Variants in LARS1 observed in about 807,000 individuals in gnomAD.
LARS1 encodes the protein leucine--tRNA ligase, cytoplasmic.
LARS1 carries 100 observed loss-of-function variants against 162.8 expected under a neutral mutation model. The observed-to-expected ratio is 0.61, with a 90% CI of 0.52 to 0.73. The LOEUF (loss-of-function observed/expected upper bound fraction) is 0.73, where lower values mean the gene tolerates loss of function less well. Ranked by LOEUF, LARS1 falls within the 30% of genes least tolerant of loss-of-function variation. The pLI is 0.00. For missense variants in LARS1, 1,258 were observed against 1,408.9 expected (o/e 0.89, Z 1.71); for synonymous variants, 457 against 462.8 (o/e 0.99, Z 0.16).
intron 6 of LARS1, among the ~76,000 whole-genome samples, chr5:146,161,680 G>A (rs1275720607): frequency 6.6e-6 from 1 of 151,826 alleles, no homozygotes; most frequent in Non-Finnish European, 1.5e-5. Flanking sequence ...TTGAACCCGG[G>A]AGGCGGAGGT....
chr5:146,117,910 C>T (rs773085081), intron 31 of LARS1, among the ~76,000 whole-genome samples: 7 of 152,018 alleles, frequency 4.6e-5, no homozygotes, highest in East Asian at 3.9e-4. Context: ...CAGTGTGGTG[C>T]GAATGTAAAT....
At position 146,179,587 on chromosome 5, in the gene LARS1, C is replaced by A. The variant is rs555706163; in HGVS notation, c.7-1922G>T. On this transcript the variant is annotated intron_variant, in intron 1 of 31. Coordinates refer to ENST00000394434, the MANE Select transcript of LARS1 (RefSeq NM_020117.11). ...CGGTCATGGGTAATATGAAATTTCA[C>A]TGTATTTATGTGTGTGTGTCTGTGT... The A allele has an allele frequency of 8.0e-4, 225 of 280,702 alleles. 1 individual carries two copies. Among genetic ancestry groups the A allele is most frequent in the African/African-American group, 4.9e-3 (220 of 44,810 alleles). The allele number at this position is 280,702 out of a possible 1,614,324, so 17.4% of individuals were successfully genotyped here.
intron 22 of LARS1, among the ~76,000 whole-genome samples, chr5:146,133,712 A>G (rs951969229): frequency 9.3e-4 from 141 of 150,882 alleles, no homozygotes; most frequent in African/African-American, 3.4e-3. Flanking sequence ...AAAAAAAAAA[A>G]GAGGGAACTC....
At chr5:146,180,789 C>G (rs1199684672) in intron 1 of LARS1, among the ~76,000 whole-genome samples, 1 of 152,140 alleles carries the variant, frequency 6.6e-6, no homozygotes, top group African/African-American at 2.4e-5. Flanking sequence ...ACTCAACCTC[C>G]TCACTGGTAA....
chr5:146,148,639 G>C (rs928743284), intron 15 of LARS1, among the ~76,000 whole-genome samples: 2 of 152,100 alleles, frequency 1.3e-5, no homozygotes, highest in African/African-American at 4.8e-5. Flanking sequence ...ATAAATGTGG[G>C]ACGTTAGAGA....
Position 146,131,058 on chromosome 5 carries a change from C to T in LARS1, c.2448G>A (p.Met816Ile). 2 of 1,598,970 alleles carry T rather than the reference C, an allele frequency of 1.3e-6. No individual in the cohort carries two copies. The highest frequency in any genetic ancestry group is 1.7e-5 in the Admixed American group (1 of 58,410). The change falls in exon 24 of 32, where the codon ATG becomes ATA. Residue 816 changes from methionine to isoleucine, a missense_variant. Coordinates refer to ENST00000394434, the MANE Select transcript of LARS1 (RefSeq NM_020117.11). ...ACCCTGTTTTCAAAGCTTCTTTAAACATCATCTTTTCATAGTTTTGATCTG... is the reference window on the plus strand; with the variant it reads ...ACCCTGTTTTCAAAGCTTCTTTAAATATCATCTTTTCATAGTTTTGATCTG... ...IKTDQNYEKM[M>I]FKEALKTGFF...
chr5:146,178,272 G>C (rs1288079780), intron 1 of LARS1, among the ~76,000 whole-genome samples: 1 of 152,078 alleles, frequency 6.6e-6, no homozygotes, highest in African/African-American at 2.4e-5. Flanking sequence ...CAAAGATACT[G>C]ATAGAGAACT....
At chr5:146,165,061 C>A (rs981013070) in intron 5 of LARS1, among the ~76,000 whole-genome samples, 2 of 152,152 alleles carry the variant, frequency 1.3e-5, no homozygotes, top group Admixed American at 6.5e-5. Context: ...TTGGGCCTGG[C>A]ACAGTAGCTC....
intron 7 of LARS1, among the ~76,000 whole-genome samples, chr5:146,160,105 T>A (rs147203171): frequency 2.1e-3 from 323 of 152,182 alleles, no homozygotes; most frequent in African/African-American, 7.3e-3. Flanking sequence ...TGGGAAAAGG[T>A]AGGCTACAAG....
intron 6 of LARS1, among the ~76,000 whole-genome samples, chr5:146,162,265 A>G (rs1256563432): frequency 6.6e-6 from 1 of 152,240 alleles, no homozygotes; most frequent in African/African-American, 2.4e-5. Flanking sequence ...TATCTCTTAA[A>G]TAAGAAGACC....
At position 146,114,242 on chromosome 5, in the gene LARS1, C is replaced by T; in HGVS notation, c.3395G>A (p.Gly1132Glu). The change falls in exon 32 of 32, where the codon GGA becomes GAA. Residue 1132 changes from glycine (G) to glutamate (E), a missense_variant. Gly to Glu is a moderately conservative substitution (Grantham distance 98). Transcript: ENST00000394434. ...GGGGGTCTTCTCGGTGTACTCCTTT[C>T]CCAGGACAGGAACTCGTCGAGGCCC... ...LLGPRRVPVL[G>E]KEYTEKTPIS... 1 of 1,613,848 alleles carries T rather than the reference C, an allele frequency of 6.2e-7. No homozygotes were observed. The highest frequency in any genetic ancestry group is 1.1e-5 in the South Asian group (1 of 91,052).
chr5:146,172,931 T>C (rs933860938), intron 2 of LARS1, among the ~76,000 whole-genome samples, 157 bp from the exon 3 acceptor site: 1 of 152,168 alleles, frequency 6.6e-6, no homozygotes, highest in Non-Finnish European at 1.5e-5. Context: ...AATTTAAAAC[T>C]CTCTAAAATT....
Position 146,120,568 on chromosome 5 carries a change from T to C in LARS1, c.3193-65A>G. On this transcript the variant is annotated intron_variant, in intron 30 of 31. Transcript: ENST00000394434. ...CTGCTGAGGGAGGAGGAATCTCTGC[T>C]ACGTTTTCAATGCCCAATGAAAGAC... is the stretch of plus-strand genomic sequence containing the variant. The C allele has an allele frequency of 2.7e-6, 4 of 1,501,050 alleles. 1 individual carries two copies. In the Admixed American group the frequency reaches 6.1e-5, roughly 23 times the overall value. The allele number at this position is 1,501,050 out of a possible 1,614,324, so 93.0% of individuals were successfully genotyped here. A position where few individuals can be genotyped will look rare whatever the true frequency, so the allele number is the denominator to read the frequency against.
At chr5:146,117,844 G>A (rs1243007160) in intron 31 of LARS1, among the ~76,000 whole-genome samples, 1 of 152,170 alleles carries the variant, frequency 6.6e-6, no homozygotes, top group Non-Finnish European at 1.5e-5. Flanking sequence ...AATATTGTGT[G>A]ATTCCAATTA....
Position 146,152,027 on chromosome 5 carries a change from G to A in LARS1, c.1285-25C>T, listed in dbSNP as rs115637173. 682 of 1,612,536 alleles carry A rather than the reference G, an allele frequency of 4.2e-4. 4 individuals are homozygous for A. In the African/African-American group the frequency reaches 8.1e-3, roughly 19 times the overall value. On this transcript the variant is annotated intron_variant, in intron 13 of 31. Coordinates refer to ENST00000394434, the MANE Select transcript of LARS1 (RefSeq NM_020117.11). ...CCTGCAGCAAACAGCAATCAGGAAC[G>A]TGTTCACACTGACTGGACACACAGC...
intron 10 of LARS1, among the ~76,000 whole-genome samples, chr5:146,155,216 A>G (rs2126527379): frequency 6.6e-6 from 1 of 152,318 alleles, no homozygotes; most frequent in African/African-American, 2.4e-5. Context: ...GAGTACACTA[A>G]TACATTGTTT....
intron 18 of LARS1, 21 bp from the exon 19 acceptor site, chr5:146,143,571 C>T: frequency 6.2e-7 from 1 of 1,609,670 alleles, no homozygotes; most frequent in Non-Finnish European, 8.5e-7. Flanking sequence ...AAAAGTAACG[C>T]ATGAGGAACC....
At chr5:146,172,167 G>A (rs1174229699) in intron 3 of LARS1, among the ~76,000 whole-genome samples, 177 bp from the exon 4 acceptor site, 2 of 152,044 alleles carry the variant, frequency 1.3e-5, no homozygotes, top group Non-Finnish European at 2.9e-5. Flanking sequence ...ATGCATACAT[G>A]CCCAGACCCT....
intron 15 of LARS1, among the ~76,000 whole-genome samples, chr5:146,149,097 C>T (rs1180216655): frequency 6.6e-6 from 1 of 151,750 alleles, no homozygotes; most frequent in Non-Finnish European, 1.5e-5. Context: ...AGCTGGAGAT[C>T]AATACTAAAA....
Sources: gnomAD v4.1 joint callset for allele counts (sites outside exome capture counted in the v4.1 genomes callset) on GRCh38, gnomAD v4.1.1 for gene constraint, MANE v1.5 for transcripts, NCBI Gene and HGNC (gene_info 2026-07-23, HGNC 2026-07-21) for gene names.